Variants in RYR2 observed in about 807,000 individuals in gnomAD.
RYR2 encodes the protein ryanodine receptor 2, also known as cardiac muscle ryanodine receptor-calcium release channel.
In RYR2, 227 loss-of-function variants were observed where a neutral mutation model predicts 601.1. The ratio of observed to expected loss-of-function variants is 0.38; its 90% CI spans 0.34 to 0.42. The LOEUF (loss-of-function observed/expected upper bound fraction) is 0.42. Ranked by LOEUF, RYR2 falls within the 10% of genes least tolerant of loss-of-function variation. The probability of loss-of-function intolerance (pLI) is 1.00; values close to 1 mark genes in which losing one functional copy is unlikely to be tolerated. For missense variants in RYR2, 4,646 were observed against 6,156.5 expected, an observed-to-expected ratio of 0.75 and a Z score of 8.21; for synonymous variants, 2,223 against 2,175.1, an observed-to-expected ratio of 1.02 and a Z score of -0.61.
At chr1:237,571,890 T>TA (rs1231011130) in intron 29 of RYR2, among the ~76,000 whole-genome samples, 1 of 152,180 alleles carries the variant, frequency 6.6e-6, no homozygotes, top group Non-Finnish European at 1.5e-5. Context: ...CAATGGGTAG[T>TA]AATTGCATCA....
chr1:237,093,790 A>G (rs1289394622), intron 1 of RYR2, among the ~76,000 whole-genome samples: 2 of 152,168 alleles, frequency 1.3e-5, no homozygotes, highest in Non-Finnish European at 2.9e-5. Flanking sequence ...GTTAACAGTG[A>G]TGCTTTTCCT....
At chr1:237,268,935 CAAAAAAA>C (rs1160004017) in intron 1 of RYR2, among the ~76,000 whole-genome samples, 9 of 16,218 alleles carry the variant, frequency 5.5e-4, no homozygotes, top group Non-Finnish European at 1.1e-3. Flanking sequence ...ACTCTTGTCT[CAAAAAAA>C]AAAAAAAAAA....
intron 12 of RYR2, among the ~76,000 whole-genome samples, chr1:237,439,829 A>G (rs1263909789): frequency 9.9e-6 from 1 of 101,522 alleles, no homozygotes; most frequent in Non-Finnish European, 2.4e-5. Flanking sequence ...TGAAGAAAAG[A>G]CCAAAAAAAA....
chr1:237,315,291 A>G (rs560239062), intron 2 of RYR2, among the ~76,000 whole-genome samples: 1 of 152,308 alleles, frequency 6.6e-6, no homozygotes, highest in African/African-American at 2.4e-5. Context: ...AGATAGTTTT[A>G]ACATTTTAAT....
At chr1:237,291,119 C>T (rs979520310) in intron 2 of RYR2, among the ~76,000 whole-genome samples, 5 of 152,104 alleles carry the variant, frequency 3.3e-5, no homozygotes, top group Admixed American at 3.3e-4. Context: ...TGGGACCCAG[C>T]AAATTCAATC....
intron 20 of RYR2, 27 bp from the exon 21 acceptor site, chr1:237,500,684 C>T (rs766750886): frequency 6.5e-7 from 1 of 1,539,460 alleles, no homozygotes; most frequent in East Asian, 2.3e-5. Flanking sequence ...AAATACATGA[C>T]CTTCCTTAAT....
At chr1:237,672,943 G>A (rs192218110) in intron 58 of RYR2, among the ~76,000 whole-genome samples, 2 of 152,266 alleles carry the variant, frequency 1.3e-5, no homozygotes, top group Admixed American at 1.3e-4. Context: ...TTCAGTGGGC[G>A]ATTGCATGTC....
intron 1 of RYR2, among the ~76,000 whole-genome samples, chr1:237,081,166 A>T (rs1261974652): frequency 3.8e-5 from 5 of 131,672 alleles, no homozygotes; most frequent in African/African-American, 1.4e-4. Context: ...GCATTGGAAG[A>T]TATACCTAAT....
intron 35 of RYR2, among the ~76,000 whole-genome samples, chr1:237,602,736 T>C (rs966662202): frequency 3.9e-5 from 6 of 152,138 alleles, no homozygotes; most frequent in African/African-American, 1.4e-4. Flanking sequence ...CAAGTCCAAG[T>C]TGAAAAGGTC....
At chr1:237,246,963 C>CAGTTACCACCTTAA (rs1362141869) in intron 1 of RYR2, among the ~76,000 whole-genome samples, 1 of 152,200 alleles carries the variant, frequency 6.6e-6, no homozygotes, top group East Asian at 1.9e-4. Context: ...AGTTTCGTCT[C>CAGTTACCACCTTAA]AGTTACCACC....
intron 38 of RYR2, 103 bp from the exon 39 acceptor site, chr1:237,623,662 G>C: frequency 3.0e-6 from 2 of 674,620 alleles, no homozygotes; most frequent in Admixed American, 5.1e-5. Context: ...AGAGTGCTGG[G>C]ATTACAGGCA....
At chr1:237,081,664 C>T (rs1389387122) in intron 1 of RYR2, among the ~76,000 whole-genome samples, 1 of 151,976 alleles carries the variant, frequency 6.6e-6, no homozygotes, top group Non-Finnish European at 1.5e-5. Flanking sequence ...CTCAATATTC[C>T]ATCCCAATGA....
At chr1:237,756,714 C>T (rs1023107978) in intron 81 of RYR2, among the ~76,000 whole-genome samples, 1 of 152,128 alleles carries the variant, frequency 6.6e-6, no homozygotes, top group Non-Finnish European at 1.5e-5. Flanking sequence ...TCAATATGTT[C>T]AGCTTCGAGG....
chr1:237,362,433 A>G (rs1015631705), intron 4 of RYR2, among the ~76,000 whole-genome samples: 17 of 152,014 alleles, frequency 1.1e-4, no homozygotes, highest in African/African-American at 2.9e-4. Flanking sequence ...CATTCTCCAC[A>G]CCCAAAGAGG....
chr1:237,701,274 T>C (rs947868420), intron 65 of RYR2, among the ~76,000 whole-genome samples: 2 of 152,210 alleles, frequency 1.3e-5, no homozygotes, highest in African/African-American at 4.8e-5. Flanking sequence ...CGCATGCCTG[T>C]AATCCCAGTA....
rs1187526583 is a variant in RYR2 at position 237,638,995 on chromosome 1, T to C, written c.6929-20T>C. 3 of 1,611,722 alleles carry C rather than the reference T, an allele frequency of 1.9e-6. No individual in the cohort carries two copies. Among genetic ancestry groups the C allele is most frequent in the Non-Finnish European group, 2.5e-6 (3 of 1,178,536 alleles). ...CCATATAATCATATTTGTTTACTTA[T>C]CTTCCCCATTCTACTTTAGGGGAGA... On this transcript the variant is annotated intron_variant, in intron 45 of 104. Transcript: ENST00000366574.
chr1:237,465,577 T>C (rs1306771115), intron 16 of RYR2, among the ~76,000 whole-genome samples: 1 of 152,212 alleles, frequency 6.6e-6, no homozygotes, highest in Non-Finnish European at 1.5e-5. Context: ...CTCCGTGTTA[T>C]AGCCTATTGC....
intron 29 of RYR2, among the ~76,000 whole-genome samples, chr1:237,574,976 C>T (rs941433222): frequency 1.3e-5 from 2 of 152,120 alleles, no homozygotes; most frequent in Non-Finnish European, 2.9e-5. Context: ...TAGTGTGTTC[C>T]ATAGCAATAG....
At chr1:237,827,414 C>T (rs944506150) in intron 101 of RYR2, among the ~76,000 whole-genome samples, 2 of 152,032 alleles carry the variant, frequency 1.3e-5, no homozygotes, top group Non-Finnish European at 1.5e-5. Context: ...GCGAGAGGAT[C>T]GCTTGAGCCC....
Sources: allele counts gnomAD v4.1 joint callset (sites outside exome capture counted in the v4.1 genomes callset), GRCh38; gene constraint gnomAD v4.1.1; transcripts MANE v1.5; gene names NCBI Gene and HGNC (gene_info 2026-07-23, HGNC 2026-07-21).